The following HDAC5 variants were observed in gnomAD, a reference collection of about 807,000 sequenced individuals.
HDAC5 encodes antigen NY-CO-9.
HDAC5 carries 25 observed loss-of-function variants against 133.3 expected under a neutral mutation model. The ratio of observed to expected loss-of-function variants is 0.19; its 90% CI spans 0.14 to 0.26. The LOEUF is 0.26. HDAC5 is among the 10% of genes least tolerant of loss of function. HDAC5 has a pLI of 1.00. For synonymous variants in HDAC5, 589 were observed against 610.8 expected (o/e 0.96, Z 0.53); for missense variants, 1,041 against 1,460.5 (o/e 0.71, Z 4.68).
chr17:44,099,924 T>A (rs1305903082), intron 3 of HDAC5, among the ~76,000 whole-genome samples: 1 of 152,192 alleles, frequency 6.6e-6, no homozygotes, highest in Non-Finnish European at 1.5e-5. Flanking sequence ...GTCTGCCTCC[T>A]CTTCAGGAAC....
chr17:44,100,747 C>T (rs910285289), intron 3 of HDAC5, among the ~76,000 whole-genome samples: 2 of 151,282 alleles, frequency 1.3e-5, no homozygotes, highest in African/African-American at 2.4e-5. Context: ...GGGAGAGACT[C>T]CGTCTCAAAA....
At chr17:44,123,249 C>G (rs924301799) in intron 1 of HDAC5, 1 of 296,620 alleles carries the variant, frequency 3.4e-6, no homozygotes, top group African/African-American at 2.2e-5. Context: ...GGGCCCCTCC[C>G]TTACCTGTAG....
intron 3 of HDAC5, among the ~76,000 whole-genome samples, chr17:44,094,324 G>GAAA (rs1011816083): frequency 7.9e-6 from 1 of 126,252 alleles, no homozygotes; most frequent in African/African-American, 3.2e-5. Context: ...ACTGTCTCCA[G>GAAA]AAAAAAAAAA....
rs1232549958 is a variant in HDAC5 at position 44,087,288 on chromosome 17, A to G, written c.1884+124T>C. 9.3e-6 allele frequency: 6 copies of G among 646,166 alleles called. No homozygotes were observed. In the Admixed American group the frequency reaches 1.0e-4, roughly 11 times the overall value. 40.0% of individuals were successfully genotyped at this position (646,166 alleles called of 1,614,324 possible). A position where few individuals can be genotyped will look rare whatever the true frequency, so the allele number is the denominator to read the frequency against. On this transcript the variant is annotated intron_variant, in intron 13 of 26. Coordinates refer to ENST00000682912, the MANE Select transcript of HDAC5 (RefSeq NM_005474.5). The stretch of plus-strand genomic sequence containing the variant: ...TTCCCACTCCCCTTTTGCTCTCTAC[A>G]GAAAGCTGCTCCTGCACAGCCTGGA...
chr17:44,080,926 G>A, intron 20 of HDAC5, 44 bp from the exon 21 acceptor site: 1 of 1,613,280 alleles, frequency 6.2e-7, no homozygotes, highest in Non-Finnish European at 8.5e-7. Context: ...CCCGCGCTCT[G>A]ACCCAATGGT....
Position 44,087,678 on chromosome 17 carries a change from C to G in HDAC5, c.1618G>C (p.Glu540Gln), listed in dbSNP as rs2050736111. The change falls in exon 13 of 27, where the codon GAG becomes CAG. Residue 540 changes from glutamate (E) to glutamine (Q), a missense_variant. Around this residue, in one of 9 missense-constraint regions of HDAC5, gnomAD observed 433 missense variants for 531.6 expected, o/e 0.81. Transcript: ENST00000682912. ...TGGGTGGTGGGCTGCCTGGGCAGCT[C>G]CCCTGTCTTGGTGAGGATCTGATAA... ...QLGKILTKTG[E>Q]LPRQPTTHPE... is the part of the protein sequence containing the mutation. The G allele has an allele frequency of 6.2e-7, 1 of 1,600,594 alleles. No individual in the cohort carries two copies. Among genetic ancestry groups the G allele is most frequent in the African/African-American group, 1.3e-5 (1 of 74,866 alleles).
intron 3 of HDAC5, among the ~76,000 whole-genome samples, chr17:44,109,415 G>A (rs2052198256): frequency 2.0e-5 from 3 of 152,280 alleles, no homozygotes; most frequent in Non-Finnish European, 2.9e-5. Flanking sequence ...GACTACGTGG[G>A]TATCTTGTAG....
rs1210753346 is a variant in HDAC5 at position 44,084,577 on chromosome 17, C to T, written c.2283G>A (p.Lys761=). 2.5e-6 allele frequency: 4 copies of T among 1,614,060 alleles called. No individual in the cohort carries two copies. Among genetic ancestry groups the T allele is most frequent in the Non-Finnish European group, 2.5e-6 (3 of 1,180,034 alleles). The change falls in exon 16 of 27, where the codon AAG becomes AAA. Residue 761 remains lysine, a synonymous_variant. Coordinates refer to ENST00000682912, the MANE Select transcript of HDAC5 (RefSeq NM_005474.5). The part of the protein sequence containing the change: ...LYGTSPLNRQ[K]LDSKKLLGPI... ...CACCGAGCAACTTCTTGCTGTCTAG[C>T]TTCTGCCGGTTGAGGGGACTGGTCC... is the stretch of plus-strand genomic sequence containing the variant.
chr17:44,087,514 A>G lies in HDAC5; in HGVS notation c.1782T>C (p.Asp594=), dbSNP rs759321051. The change falls in exon 13 of 27, where the codon GAT becomes GAC. Residue 594 remains aspartate, a synonymous_variant. Transcript: ENST00000682912. ...GGATGCAATCCTCCTCCTCCTCCCCATCGTCTTCCTCGTCCTCCTCCTCCA... is the reference window on the plus strand; with the variant it reads ...GGATGCAATCCTCCTCCTCCTCCCCGTCGTCTTCCTCGTCCTCCTCCTCCA... ...EDLEEEDEED[D]GEEEEDCIQV... The G allele has an allele frequency of 2.5e-6, 4 of 1,607,544 alleles. No individual in the cohort carries two copies. The highest frequency in any genetic ancestry group is 3.4e-6 in the Non-Finnish European group (4 of 1,174,480).
chr17:44,096,764 CT>C (rs1269787292), intron 3 of HDAC5, among the ~76,000 whole-genome samples: 1 of 151,928 alleles, frequency 6.6e-6, no homozygotes, highest in South Asian at 2.1e-4. Flanking sequence ...GCATGAGCCA[CT>C]GCCCCTGGCC....
intron 20 of HDAC5, 65 bp from the exon 21 acceptor site, chr17:44,080,947 C>T (rs1358814364): frequency 6.2e-7 from 1 of 1,606,106 alleles, no homozygotes; most frequent in African/African-American, 1.3e-5. Context: ...CAAATTCCAC[C>T]TGTCAGCTGA....
At chr17:44,110,117 C>T (rs979805364) in intron 3 of HDAC5, among the ~76,000 whole-genome samples, 7 of 152,226 alleles carry the variant, frequency 4.6e-5, no homozygotes, top group Admixed American at 2.6e-4. Context: ...GGGAGAGGAG[C>T]GCCATCGGGA....
chr17:44,102,918 T>C (rs2051707915), intron 3 of HDAC5, among the ~76,000 whole-genome samples: 1 of 150,882 alleles, frequency 6.6e-6, no homozygotes, highest in South Asian at 2.1e-4. Flanking sequence ...TCCACCCGCC[T>C]CGCCTCCCAA....
chr17:44,080,627 G>T, intron 21 of HDAC5, 129 bp from the exon 22 acceptor site: 1 of 1,465,590 alleles, frequency 6.8e-7, no homozygotes, highest in East Asian at 2.3e-5. Context: ...AGTCAGATCA[G>T]TGTGGTCCTC....
chr17:44,097,503 C>T (rs1364743997), intron 3 of HDAC5, among the ~76,000 whole-genome samples: 1 of 152,232 alleles, frequency 6.6e-6, no homozygotes, highest in Non-Finnish European at 1.5e-5. Context: ...AGAAGGCCTT[C>T]CTGGAGGTAA....
chr17:44,084,035 A>T (rs1429103608), intron 16 of HDAC5, among the ~76,000 whole-genome samples, 181 bp from the exon 17 acceptor site: 3 of 151,818 alleles, frequency 2.0e-5, no homozygotes, highest in African/African-American at 7.3e-5. Flanking sequence ...CAGGCAAGAG[A>T]GTTGCTTGAG....
intron 11 of HDAC5, 95 bp from the exon 12 acceptor site, chr17:44,088,693 A>G: frequency 1.3e-6 from 2 of 1,500,202 alleles, no homozygotes; most frequent in Non-Finnish European, 1.8e-6. Context: ...CCCCTCTGGC[A>G]TATCACCACC....
At chr17:44,097,746 G>C (rs764668691) in intron 3 of HDAC5, among the ~76,000 whole-genome samples, 3 of 152,260 alleles carry the variant, frequency 2.0e-5, no homozygotes, top group African/African-American at 7.2e-5. Flanking sequence ...GCCCAGGGAA[G>C]GGCAGAGGTC....
chr17:44,110,891 G>T, intron 2 of HDAC5, 91 bp from the exon 3 acceptor site: 1 of 1,091,012 alleles, frequency 9.2e-7, no homozygotes, highest in Non-Finnish European at 1.4e-6. Flanking sequence ...CCAGGGAGGG[G>T]GCCGCCAGAG....
Sources: gnomAD v4.1 joint callset for allele counts (sites outside exome capture counted in the v4.1 genomes callset) on GRCh38, gnomAD v4.1.1 for gene constraint, gnomAD v4.1.1 regional missense constraint, MANE v1.5 for transcripts, NCBI Gene and HGNC (gene_info 2026-07-23, HGNC 2026-07-21) for gene names.